The following GALNT1 variants were observed in gnomAD, a reference collection of about 807,000 sequenced individuals.
The protein encoded by GALNT1 is GalNAc transferase 1.
GALNT1 carries 17 observed loss-of-function variants against 65.7 expected under a neutral mutation model. That is an observed-to-expected ratio of 0.26 (90% confidence interval 0.18 to 0.39). The LOEUF (loss-of-function observed/expected upper bound fraction) is 0.39, where lower values mean the gene tolerates loss of function less well. Ranked by LOEUF, GALNT1 falls within the 10% of genes least tolerant of loss-of-function variation. The probability of loss-of-function intolerance (pLI) is 1.00; values close to 1 mark genes in which losing one functional copy is unlikely to be tolerated. For synonymous variants in GALNT1, 210 were observed against 219.7 expected (o/e 0.96, Z 0.39); for missense variants, 460 against 672.8 (o/e 0.68, Z 3.50).
intron 1 of GALNT1, among the ~76,000 whole-genome samples, chr18:35,649,105 C>T (rs890995658): frequency 5.9e-5 from 9 of 152,162 alleles, no homozygotes; most frequent in Non-Finnish European, 1.2e-4. Flanking sequence ...TAAATAGGAA[C>T]GGGATTACAG....
chr18:35,695,599 G>C (rs1248895699), intron 9 of GALNT1, among the ~76,000 whole-genome samples: 1 of 152,188 alleles, frequency 6.6e-6, no homozygotes, highest in East Asian at 1.9e-4. Context: ...TTCAGTGCCA[G>C]GGCAGGCACA....
At chr18:35,628,960 G>A (rs1016878750) in intron 1 of GALNT1, among the ~76,000 whole-genome samples, 2 of 152,130 alleles carry the variant, frequency 1.3e-5, no homozygotes, top group African/African-American at 4.8e-5. Context: ...TGGAAGAAAG[G>A]GTATCAGTGA....
At chr18:35,631,092 C>T (rs528919395) in intron 1 of GALNT1, among the ~76,000 whole-genome samples, 2 of 152,058 alleles carry the variant, frequency 1.3e-5, no homozygotes, top group Non-Finnish European at 2.9e-5. Flanking sequence ...AGTCCAGAAC[C>T]GGCAGATTCA....
chr18:35,709,582 T>C (rs2048323042), intron 11 of GALNT1, 42 bp from the exon 12 acceptor site: 4 of 1,604,446 alleles, frequency 2.5e-6, no homozygotes, highest in Non-Finnish European at 2.6e-6. Context: ...TTGAGGTGTT[T>C]TGTTTTCTTC....
At chr18:35,674,024 T>C (rs1046039376) in intron 3 of GALNT1, among the ~76,000 whole-genome samples, 46 of 152,320 alleles carry the variant, frequency 3.0e-4, no homozygotes, top group African/African-American at 1.1e-3. Context: ...CTGTAGGCAA[T>C]TGTAGTACAA....
chr18:35,648,788 G>T (rs2047270509), intron 1 of GALNT1, among the ~76,000 whole-genome samples: 1 of 152,160 alleles, frequency 6.6e-6, no homozygotes, highest in African/African-American at 2.4e-5. Context: ...TTTAGGTTCA[G>T]TTGTATAAGT....
In GALNT1 at chr18:35,593,504, G is replaced by A. The variant is rs574646691; in HGVS notation, c.-104+11642G>A. On this transcript the variant is annotated intron_variant, in intron 1 of 11. Coordinates refer to ENST00000269195, the MANE Select transcript of GALNT1 (RefSeq NM_020474.4). ...GAGCAGAACCTATTATTAGTAGGTC[G>A]TAGGTTATGTTGAGTCAGGGTAGTA... Among the ~76,000 whole-genome samples the A allele has an allele frequency of 2.6e-5, 4 of 152,170 alleles. No homozygotes were observed. The East Asian group carries it at 5.8e-4, about 22-fold the overall frequency.
At chr18:35,603,527 G>A (rs908284891) in intron 1 of GALNT1, among the ~76,000 whole-genome samples, 2 of 152,092 alleles carry the variant, frequency 1.3e-5, no homozygotes, top group Admixed American at 1.3e-4. Context: ...TATTTTAAAT[G>A]GTAGCATCAT....
At chr18:35,647,840 G>A (rs890679842) in intron 1 of GALNT1, among the ~76,000 whole-genome samples, 8 of 151,966 alleles carry the variant, frequency 5.3e-5, no homozygotes, top group South Asian at 2.1e-4. Flanking sequence ...TCATTTGGCC[G>A]TAGAAAATAC....
At chr18:35,610,540 A>G (rs148289735) in intron 1 of GALNT1, among the ~76,000 whole-genome samples, 1 of 152,236 alleles carries the variant, frequency 6.6e-6, no homozygotes, top group Non-Finnish European at 1.5e-5. Context: ...AATGTTTGTG[A>G]TGGGAATATA....
chr18:35,699,941 CA>C (rs1315615107), intron 9 of GALNT1, among the ~76,000 whole-genome samples: 7 of 152,234 alleles, frequency 4.6e-5, no homozygotes, highest in African/African-American at 1.7e-4. Context: ...CAATTTTGAA[CA>C]TTTGATTCAG....
chr18:35,604,037 A>C (rs562882383), intron 1 of GALNT1, among the ~76,000 whole-genome samples: 1 of 152,108 alleles, frequency 6.6e-6, no homozygotes, highest in African/African-American at 2.4e-5. Context: ...TGTAGTGAGC[A>C]TAGTACTTGA....
intron 5 of GALNT1, among the ~76,000 whole-genome samples, chr18:35,686,286 A>T (rs183225683): frequency 2.0e-5 from 3 of 152,364 alleles, no homozygotes; most frequent in Admixed American, 1.3e-4. Context: ...CCAAATTCAT[A>T]TATAAATTCA....
intron 1 of GALNT1, among the ~76,000 whole-genome samples, chr18:35,609,766 C>G (rs996691300): frequency 3.3e-5 from 5 of 152,076 alleles, no homozygotes; most frequent in African/African-American, 1.2e-4. Context: ...TAATCAACTG[C>G]CCACTCTTTG....
At position 35,620,781 on chromosome 18, in the gene GALNT1, C is replaced by CT. The variant is rs75570628; in HGVS notation, c.-103-33766dup. ...GTTCATGTGTACATTTAGGTTGTTA[C>CT]TTTTTTTTTTTTTGGTCATTATAAA... is the stretch of plus-strand genomic sequence containing the variant. On this transcript the variant is annotated intron_variant, in intron 1 of 11. Coordinates refer to ENST00000269195, the MANE Select transcript of GALNT1 (RefSeq NM_020474.4). 7.2e-3 allele frequency among the ~76,000 whole-genome samples: 1,026 copies of CT among 142,074 alleles called. 10 individuals are homozygous for CT. The highest frequency in any genetic ancestry group is 0.021 in the Middle Eastern group (6 of 280). 93.2% of individuals were successfully genotyped at this position (142,074 alleles called of 152,430 possible). A position where few individuals can be genotyped will look rare whatever the true frequency, so the allele number is the denominator to read the frequency against.
intron 1 of GALNT1, among the ~76,000 whole-genome samples, chr18:35,627,831 G>C (rs546173494): frequency 2.0e-5 from 3 of 152,278 alleles, no homozygotes; most frequent in Admixed American, 6.5e-5. Context: ...AAGGGAAGGA[G>C]GGACAAACGG....
intron 3 of GALNT1, among the ~76,000 whole-genome samples, chr18:35,675,029 GGATAAAAGTCTCAC>G (rs2047691061): frequency 6.7e-6 from 1 of 149,076 alleles, no homozygotes; most frequent in African/African-American, 2.5e-5. Flanking sequence ...TCATAACTGA[GGATAAAAGTCTCAC>G]TTGGGCAAGT....
intron 11 of GALNT1, among the ~76,000 whole-genome samples, chr18:35,709,174 T>C (rs543060481): frequency 2.6e-5 from 4 of 152,328 alleles, no homozygotes; most frequent in Non-Finnish European, 5.9e-5. Context: ...AACAGCCTTA[T>C]CATAGAGAAA....
chr18:35,707,498 T>C (rs2048282661), intron 11 of GALNT1, among the ~76,000 whole-genome samples: 1 of 152,210 alleles, frequency 6.6e-6, no homozygotes, highest in Non-Finnish European at 1.5e-5. Context: ...GAGTTGTATC[T>C]GGAACAGGGT....
Sources: gnomAD v4.1 joint callset for allele counts (sites outside exome capture counted in the v4.1 genomes callset) on GRCh38, gnomAD v4.1.1 for gene constraint, MANE v1.5 for transcripts, NCBI Gene and HGNC (gene_info 2026-07-23, HGNC 2026-07-21) for gene names.